Variants in LRP12 observed in about 807,000 individuals in gnomAD.
LRP12 encodes LDL receptor related protein 12.
In LRP12, 14 loss-of-function variants were observed where a neutral mutation model predicts 66.0. That is an observed-to-expected ratio of 0.21 (90% CI 0.14 to 0.33). The LOEUF (loss-of-function observed/expected upper bound fraction) is 0.33, where lower values mean the gene tolerates loss of function less well. Among genes scored for constraint, LRP12 ranks in the 10% least tolerant of loss-of-function variants. LRP12 has a pLI of 1.00. For synonymous variants in LRP12, 357 were observed against 359.1 expected, an observed-to-expected ratio of 0.99 and a Z score of 0.07; for missense variants, 889 against 1,053.4, an observed-to-expected ratio of 0.84 and a Z score of 2.16.
At chr8:104,500,560 G>A (rs1810811471) in intron 3 of LRP12, among the ~76,000 whole-genome samples, 2 of 152,066 alleles carry the variant, frequency 1.3e-5, no homozygotes, top group African/African-American at 4.8e-5. Flanking sequence ...AAAATTAGCC[G>A]GGCATGATGG....
At chr8:104,508,801 C>T in intron 3 of LRP12, 138 bp downstream of exon 3, 1 of 704,300 alleles carries the variant, frequency 1.4e-6, no homozygotes, top group Non-Finnish European at 2.3e-6. Context: ...TAAGATGACA[C>T]CAATAGCTAA....
At chr8:104,570,516 C>T (rs1222776931) in intron 1 of LRP12, among the ~76,000 whole-genome samples, 2 of 152,084 alleles carry the variant, frequency 1.3e-5, no homozygotes, top group Non-Finnish European at 2.9e-5. Flanking sequence ...AAAGGCAGCT[C>T]AATGGGAAAG....
At chr8:104,527,445 A>C (rs1336645979) in intron 2 of LRP12, among the ~76,000 whole-genome samples, 1 of 151,100 alleles carries the variant, frequency 6.6e-6, no homozygotes, top group Non-Finnish European at 1.5e-5. Flanking sequence ...ATGTCCAACA[A>C]TGATAGACTG....
chr8:104,564,903 A>G (rs1168618539), intron 1 of LRP12, among the ~76,000 whole-genome samples: 7 of 151,756 alleles, frequency 4.6e-5, no homozygotes, highest in Non-Finnish European at 8.8e-5. Context: ...ACTGCACTCC[A>G]GCCTGGGTAA....
chr8:104,524,859 C>T (rs1173500134), intron 2 of LRP12, among the ~76,000 whole-genome samples: 3 of 151,930 alleles, frequency 2.0e-5, no homozygotes, highest in African/African-American at 7.2e-5. Flanking sequence ...TCTAGAATAT[C>T]CTGATTAAAG....
At chr8:104,557,093 A>G (rs1811821452) in intron 1 of LRP12, among the ~76,000 whole-genome samples, 1 of 152,232 alleles carries the variant, frequency 6.6e-6, no homozygotes, top group Non-Finnish European at 1.5e-5. Flanking sequence ...AGTGGAATCA[A>G]CATAGAAGGT....
intron 3 of LRP12, among the ~76,000 whole-genome samples, chr8:104,501,985 T>C (rs1186458304): frequency 1.3e-5 from 2 of 152,216 alleles, no homozygotes; most frequent in African/African-American, 2.4e-5. Context: ...GAGATTTATA[T>C]AAATTTTCGT....
At chr8:104,580,839 T>G (rs1033959494) in intron 1 of LRP12, among the ~76,000 whole-genome samples, 1 of 152,216 alleles carries the variant, frequency 6.6e-6, no homozygotes, top group Non-Finnish European at 1.5e-5. Flanking sequence ...TTGGGAGAAG[T>G]GTAATTAGTT....
At chr8:104,562,615 A>G (rs1811930503) in intron 1 of LRP12, among the ~76,000 whole-genome samples, 3 of 152,132 alleles carry the variant, frequency 2.0e-5, no homozygotes, top group Non-Finnish European at 2.9e-5. Flanking sequence ...ATTTTTATAT[A>G]TTTACTAAAT....
At chr8:104,584,937 C>T (rs2140903267) in intron 1 of LRP12, among the ~76,000 whole-genome samples, 1 of 152,190 alleles carries the variant, frequency 6.6e-6, no homozygotes, top group Middle Eastern at 3.4e-3. Context: ...CTGAACATTC[C>T]ATAAAATTCA....
At chr8:104,546,244 C>T (rs1273878478) in intron 1 of LRP12, among the ~76,000 whole-genome samples, 1 of 152,088 alleles carries the variant, frequency 6.6e-6, no homozygotes, top group Non-Finnish European at 1.5e-5. Flanking sequence ...TTTATAAAAT[C>T]AGCTTTGTTG....
At chr8:104,565,567 T>C (rs945251495) in intron 1 of LRP12, among the ~76,000 whole-genome samples, 6 of 151,286 alleles carry the variant, frequency 4.0e-5, no homozygotes, top group Non-Finnish European at 7.4e-5. Flanking sequence ...CATAAAAATA[T>C]ATACAACCCA....
At chr8:104,496,345 C>A (rs1810725805) in intron 5 of LRP12, among the ~76,000 whole-genome samples, 1 of 152,138 alleles carries the variant, frequency 6.6e-6, no homozygotes, top group Non-Finnish European at 1.5e-5. Context: ...GACATTCCTA[C>A]TTCTATATAT....
rs1564141258 is a variant in LRP12 at position 104,547,354 on chromosome 8, TTTTGTATATAATATACA to T, written c.80-15408_80-15392del. Among the ~76,000 whole-genome samples the T allele has an allele frequency of 1.6e-3, 186 of 115,322 alleles. 3 individuals carry two copies. The highest frequency in any genetic ancestry group is 2.5e-3 in the Non-Finnish European group (142 of 57,546). The allele number at this position is 115,322 out of a possible 152,430, so 75.7% of individuals were successfully genotyped here. A position where few individuals can be genotyped will look rare whatever the true frequency, so the allele number is the denominator to read the frequency against. ...GTATATAATATACAATTCTGTTATA[TTTTGTATATAATATACA>T]ATTCTGTTATATTTTGTATATAATA... On this transcript the variant is annotated intron_variant, in intron 1 of 6. Transcript: ENST00000276654.
rs537033045 is a variant in LRP12, at chr8:104,581,204, G to T, written c.79+7615C>A. Among the ~76,000 whole-genome samples, 5 of 152,288 alleles carry T rather than the reference G, an allele frequency of 3.3e-5. No individual in the cohort carries two copies. In the South Asian group the frequency reaches 1.0e-3, roughly 32 times the overall value. Reference sequence around the variant, plus strand: ...AGGAACAGAAAACCAAATGCTGCATGTTCTCACTTATAAGTGGGAGCTAAA... The same window carrying T: ...AGGAACAGAAAACCAAATGCTGCATTTTCTCACTTATAAGTGGGAGCTAAA... On this transcript the variant is annotated intron_variant, in intron 1 of 6. Transcript: ENST00000276654.
chr8:104,520,493 G>A (rs1188003329), intron 2 of LRP12, among the ~76,000 whole-genome samples: 1 of 151,960 alleles, frequency 6.6e-6, no homozygotes, highest in Non-Finnish European at 1.5e-5. Context: ...GATTTTGTAG[G>A]TCATCTCTAT....
intron 1 of LRP12, among the ~76,000 whole-genome samples, chr8:104,567,644 G>A (rs1272180646): frequency 6.6e-6 from 1 of 152,076 alleles, no homozygotes; most frequent in Non-Finnish European, 1.5e-5. Flanking sequence ...ACAAGTCATA[G>A]GATACAAGAA....
rs745887079 is a variant in LRP12, at chr8:104,497,510, CAGA to C, written c.1039_1041del (p.Ser347del). 15 of 1,613,920 alleles carry C rather than the reference CAGA, an allele frequency of 9.3e-6. No individual in the cohort carries two copies. Among genetic ancestry groups the C allele is most frequent in the Admixed American group, 6.7e-5 (4 of 59,978 alleles). ...GCACAAAAATGTACCCTTATCTGTC[CAGA>C]AGAAGAAACAACTGTAAGAGGTGCA... On this transcript the variant is annotated inframe_deletion, in exon 5 of 7. Transcript: ENST00000276654. This position sits in a 1 kb window ranked among gnomAD's most constrained non-coding sequence, Gnocchi z 4.3.
At chr8:104,547,498 ATTATATTTTGTATATAATATATAATTG>A (rs1363443342) in intron 1 of LRP12, among the ~76,000 whole-genome samples, 3,283 of 130,606 alleles carry the variant, frequency 0.025, 147 homozygotes, top group African/African-American at 0.089. Context: ...ATTCTGTTAT[ATTATATTTTGTATATAATATATAATTG>A]TTATATTTTG....
Sources: allele counts gnomAD v4.1 joint callset (sites outside exome capture counted in the v4.1 genomes callset), GRCh38; gene constraint gnomAD v4.1.1; non-coding constraint Gnocchi (gnomAD v3.1); transcripts MANE v1.5; gene names NCBI Gene and HGNC (gene_info 2026-07-23, HGNC 2026-07-21).